TCP11L1: variants seen among roughly 807,000 people sequenced by gnomAD.
TCP11L1 encodes t-complex 11 like 1.
In TCP11L1, 28 loss-of-function variants were observed where a neutral mutation model predicts 48.9. The observed-to-expected ratio is 0.57, with a 90% CI of 0.42 to 0.78. The LOEUF (loss-of-function observed/expected upper bound fraction) is 0.78, where lower values mean the gene tolerates loss of function less well. Ranked by LOEUF, TCP11L1 falls within the 30% of genes least tolerant of loss-of-function variation. The pLI is 0.00. For missense variants in TCP11L1, 505 were observed against 613.4 expected, an observed-to-expected ratio of 0.82 and a Z score of 1.87; for synonymous variants, 204 against 231.9, an observed-to-expected ratio of 0.88 and a Z score of 1.09.
chr11:33,065,757 G>T, intron 7 of TCP11L1, 73 bp from the exon 8 acceptor site: 1 of 1,522,616 alleles, frequency 6.6e-7, no homozygotes. Flanking sequence ...AGGTGTGGGG[G>T]CTGTGGCGCT....
At chr11:33,061,303 T>C (rs11032134) in intron 6 of TCP11L1, among the ~76,000 whole-genome samples, 23,012 of 152,174 alleles carry the variant, frequency 0.15, 1,907 homozygotes, top group East Asian at 0.3. Context: ...AGGTGGGTGT[T>C]GTAAATTTGC....
At chr11:33,045,443 G>T (rs1476878786) in intron 2 of TCP11L1, among the ~76,000 whole-genome samples, 1 of 152,056 alleles carries the variant, frequency 6.6e-6, no homozygotes, top group Non-Finnish European at 1.5e-5. Flanking sequence ...TTGAGCTGGG[G>T]AAGTCAAGGC....
Position 33,054,492 on chromosome 11 carries a change from A to G in TCP11L1, c.164-101A>G, listed in dbSNP as rs574179984. 3.0e-5 allele frequency: 42 copies of G among 1,400,324 alleles called. No homozygotes were observed. The African/African-American group carries it at 4.8e-4, about 16-fold the overall frequency. The allele number at this position is 1,400,324 out of a possible 1,614,324, so 86.7% of individuals were successfully genotyped here. On this transcript the variant is annotated intron_variant, in intron 2 of 9. Transcript: ENST00000334274. The stretch of plus-strand genomic sequence containing the variant: ...CAGAACAAACATTTTAATAGACGCA[A>G]TAACTGAAATTATTGTCTGGTACCA...
At chr11:33,070,241 A>G (rs1421016056) in intron 9 of TCP11L1, among the ~76,000 whole-genome samples, 1 of 151,976 alleles carries the variant, frequency 6.6e-6, no homozygotes, top group Non-Finnish European at 1.5e-5. Context: ...CAATTTCACC[A>G]CTGCACTCCA....
In TCP11L1 at chr11:33,043,925, A is replaced by G. The variant is rs1445690410; in HGVS notation, c.152A>G (p.Gln51Arg). The change falls in exon 2 of 10, where the codon CAG becomes CGG. Residue 51 changes from glutamine (Q) to arginine (R), a missense_variant. Gln to Arg is a conservative substitution (Grantham distance 43, BLOSUM62 1). Coordinates refer to ENST00000334274, the MANE Select transcript of TCP11L1 (RefSeq NM_018393.4). ...GACTCCTCCAGCCCCCAAAGAGTGC[A>G]GAGACCTCACTGTAAGCAAATTTGA... ...KSDSSSPQRVQRPHSSPPRFV... is the reference protein window; with the variant it reads ...KSDSSSPQRVRRPHSSPPRFV... 1.9e-6 allele frequency: 3 copies of G among 1,599,962 alleles called. No homozygotes were observed.
intron 2 of TCP11L1, among the ~76,000 whole-genome samples, chr11:33,048,635 TC>T (rs1854067963): frequency 6.6e-6 from 1 of 152,230 alleles, no homozygotes; most frequent in Admixed American, 6.5e-5. Flanking sequence ...CTTGGACAGT[TC>T]CTGAAAATTT....
chr11:33,066,515 C>T (rs1854624932), intron 8 of TCP11L1, among the ~76,000 whole-genome samples: 1 of 151,998 alleles, frequency 6.6e-6, no homozygotes, highest in Non-Finnish European at 1.5e-5. Flanking sequence ...GGTTGCTTGC[C>T]TTGAGGAATT....
chr11:33,043,711 A>G (rs1050568343), intron 1 of TCP11L1, 39 bp from the exon 2 acceptor site: 6 of 1,533,194 alleles, frequency 3.9e-6, no homozygotes, highest in East Asian at 4.5e-5. Context: ...CAGAGCTAGA[A>G]TACTTTTAGT....
intron 6 of TCP11L1, among the ~76,000 whole-genome samples, chr11:33,060,037 A>G (rs1350604681): frequency 1.3e-5 from 2 of 152,154 alleles, no homozygotes; most frequent in Admixed American, 6.5e-5. Context: ...ATTTTTGACC[A>G]GAATGGATTG....
chr11:33,058,637 T>C (rs1332500184), intron 5 of TCP11L1, among the ~76,000 whole-genome samples: 2 of 152,214 alleles, frequency 1.3e-5, no homozygotes, highest in Non-Finnish European at 2.9e-5. Context: ...ATCACTCTTA[T>C]CATTTTGATA....
intron 2 of TCP11L1, among the ~76,000 whole-genome samples, chr11:33,048,066 C>T (rs1307027343): frequency 6.6e-6 from 1 of 152,184 alleles, no homozygotes; most frequent in Non-Finnish European, 1.5e-5. Context: ...ATATGGTTTT[C>T]AGTTTCTCTA....
At chr11:33,049,248 CAAAAAAA>C (rs3078634) in intron 2 of TCP11L1, among the ~76,000 whole-genome samples, 1 of 127,752 alleles carries the variant, frequency 7.8e-6, no homozygotes, top group African/African-American at 3.1e-5. Flanking sequence ...GACTCCGTCT[CAAAAAAA>C]AAAAAAAAAA....
intron 1 of TCP11L1, chr11:33,041,066 C>G (rs1853817700): frequency 6.6e-6 from 1 of 152,170 alleles, no homozygotes; most frequent in Non-Finnish European, 1.5e-5. Flanking sequence ...TGTCAACTAG[C>G]CAGCCCTGCA....
chr11:33,065,679 T>G (rs1854594016), intron 7 of TCP11L1, 151 bp from the exon 8 acceptor site: 1 of 835,024 alleles, frequency 1.2e-6, no homozygotes, highest in Non-Finnish European at 1.9e-6. Context: ...GATAGAGGGG[T>G]TATTTCACAC....
chr11:33,064,938 C>T (rs1854570131), intron 7 of TCP11L1, among the ~76,000 whole-genome samples: 1 of 152,206 alleles, frequency 6.6e-6, no homozygotes, highest in Non-Finnish European at 1.5e-5. Context: ...CTGCAGGCAC[C>T]CACCATCGCA....
Position 33,053,178 on chromosome 11 carries a change from T to C in TCP11L1, c.164-1415T>C, listed in dbSNP as rs1053204875. Among the ~76,000 whole-genome samples, 27 of 144,402 alleles carry C rather than the reference T, an allele frequency of 1.9e-4. 1 individual carries two copies. In the East Asian group the frequency reaches 5.7e-3, roughly 31 times the overall value. 94.7% of individuals were successfully genotyped at this position (144,402 alleles called of 152,430 possible). A position where few individuals can be genotyped will look rare whatever the true frequency, so the allele number is the denominator to read the frequency against. On this transcript the variant is annotated intron_variant, in intron 2 of 9. Transcript: ENST00000334274. The stretch of plus-strand genomic sequence containing the variant: ...TTTTTTTTTTTTGAGACAATCTTCC[T>C]CTGTCGCCCAGGCTGGAGTGCAATG...
chr11:33,059,135 G>T, intron 6 of TCP11L1, 40 bp downstream of exon 6: 1 of 1,600,350 alleles, frequency 6.2e-7, no homozygotes, highest in Non-Finnish European at 8.5e-7. Context: ...TGTTGTCTGT[G>T]GTTTTTCATT....
At chr11:33,040,230 GCT>G (rs1853791249) in intron 1 of TCP11L1, 1 of 152,224 alleles carries the variant, frequency 6.6e-6, no homozygotes, top group Admixed American at 6.5e-5. Flanking sequence ...CCTCCCCTCG[GCT>G]CTCTTTTTAG....
intron 3 of TCP11L1, among the ~76,000 whole-genome samples, chr11:33,055,178 A>G (rs1854275647): frequency 6.6e-6 from 1 of 152,242 alleles, no homozygotes; most frequent in African/African-American, 2.4e-5. Flanking sequence ...TAAAAATGCC[A>G]TTGATTTTAA....
Sources: gnomAD v4.1 joint callset for allele counts (sites outside exome capture counted in the v4.1 genomes callset) on GRCh38, gnomAD v4.1.1 for gene constraint, MANE v1.5 for transcripts, NCBI Gene and HGNC (gene_info 2026-07-23, HGNC 2026-07-21) for gene names.